TSPAN9: variants seen among roughly 807,000 people sequenced by gnomAD.
TSPAN9 encodes the protein tetraspanin-9.
Under a neutral mutation model 31.0 loss-of-function variants are expected in TSPAN9, and 16 were observed. The observed-to-expected ratio is 0.52, with a 90% confidence interval of 0.35 to 0.78. TSPAN9 has a LOEUF of 0.78. TSPAN9 is among the 30% of genes least tolerant of loss of function. TSPAN9 has a pLI of 0.01. For missense variants in TSPAN9, 272 were observed against 312.5 expected (o/e 0.87, Z 0.98); for synonymous variants, 145 against 121.6 (o/e 1.19, Z -1.27).
At chr12:3,183,180 G>A (rs1477994369) in intron 2 of TSPAN9, among the ~76,000 whole-genome samples, 1 of 152,210 alleles carries the variant, frequency 6.6e-6, no homozygotes, top group Admixed American at 6.5e-5. Flanking sequence ...AGGCCACTCT[G>A]GAGTGATTTC....
Position 3,282,128 on chromosome 12 carries a change from A to G in TSPAN9, c.648+311A>G, listed in dbSNP as rs544638179. 4.6e-5 allele frequency: 29 copies of G among 625,528 alleles called. No homozygotes were observed. In the East Asian group the frequency reaches 5.8e-4, roughly 12 times the overall value. 38.7% of individuals were successfully genotyped at this position (625,528 alleles called of 1,614,324 possible). A position where few individuals can be genotyped will look rare whatever the true frequency, so the allele number is the denominator to read the frequency against. On this transcript the variant is annotated intron_variant, in intron 8 of 8. Transcript: ENST00000011898. ...AACCTTGAGCTCAGAGAGCCATGCA[A>G]GACACACACGGTGTCCCCCGGTCAC...
chr12:3,113,988 T>G (rs533144058), intron 2 of TSPAN9, among the ~76,000 whole-genome samples: 1 of 152,328 alleles, frequency 6.6e-6, no homozygotes, highest in Admixed American at 6.5e-5. Context: ...TGTACTCACT[T>G]GTGTGATCCT....
chr12:3,175,590 A>T (rs2153970708), intron 2 of TSPAN9, among the ~76,000 whole-genome samples: 1 of 148,620 alleles, frequency 6.7e-6, no homozygotes. Flanking sequence ...CCAGAGCAAG[A>T]GCTGCACTTC....
At chr12:3,154,401 C>T (rs548766748) in intron 2 of TSPAN9, among the ~76,000 whole-genome samples, 1 of 152,354 alleles carries the variant, frequency 6.6e-6, no homozygotes, top group Admixed American at 6.5e-5. Flanking sequence ...TAAGTGCACT[C>T]CCCATCTGAC....
chr12:3,093,916 G>A (rs2098306375), intron 2 of TSPAN9, among the ~76,000 whole-genome samples: 1 of 152,220 alleles, frequency 6.6e-6, no homozygotes, highest in Non-Finnish European at 1.5e-5. Flanking sequence ...ACGCTGAAGT[G>A]CAGTAGCGCA....
rs2098337659 is a variant in TSPAN9 at position 3,147,156 on chromosome 12, G to A, written c.-17-54021G>A. Among the ~76,000 whole-genome samples the A allele has an allele frequency of 6.6e-6, 1 of 152,136 alleles. No homozygotes were observed. On this transcript the variant is annotated intron_variant, in intron 2 of 8. Coordinates refer to ENST00000011898, the MANE Select transcript of TSPAN9 (RefSeq NM_006675.5). The surrounding 1 kb of genome is among the most constrained non-coding windows in gnomAD (Gnocchi z 4.3). ...AGTGAGATATTTTTGAGTTTAGGGTGGAGACTGGAAGCAGGGGAGCCCTGG... is the reference window on the plus strand; with the variant it reads ...AGTGAGATATTTTTGAGTTTAGGGTAGAGACTGGAAGCAGGGGAGCCCTGG...
At chr12:3,094,311 C>A (rs1444412836) in intron 2 of TSPAN9, among the ~76,000 whole-genome samples, 2 of 152,136 alleles carry the variant, frequency 1.3e-5, no homozygotes, top group African/African-American at 4.8e-5. Flanking sequence ...TGCGCACCTT[C>A]CCAACATTGC....
intron 3 of TSPAN9, among the ~76,000 whole-genome samples, chr12:3,205,768 A>T (rs537177182): frequency 2.7e-4 from 41 of 151,082 alleles, no homozygotes; most frequent in African/African-American, 9.5e-4. Context: ...CTGTCTTCCT[A>T]GGGGGCTGCA....
At chr12:3,226,769 TATATATATATATATA>T (rs2098387828) in intron 3 of TSPAN9, among the ~76,000 whole-genome samples, 1 of 3,672 alleles carries the variant, frequency 2.7e-4, no homozygotes, top group Non-Finnish European at 7.1e-4. Flanking sequence ...TATATATATA[TATATATATATATATA>T]TATATATATA....
intron 2 of TSPAN9, among the ~76,000 whole-genome samples, chr12:3,093,227 C>T (rs1487100822): frequency 3.3e-5 from 5 of 152,200 alleles, no homozygotes; most frequent in Non-Finnish European, 7.3e-5. Context: ...CCTGGGCCCA[C>T]CTTCCAGCTG....
chr12:3,141,542 C>T (rs1037876497), intron 2 of TSPAN9, among the ~76,000 whole-genome samples: 8 of 152,218 alleles, frequency 5.3e-5, no homozygotes, highest in South Asian at 2.1e-4. Context: ...TGCGTGACCC[C>T]GTCACCCAGT....
intron 2 of TSPAN9, among the ~76,000 whole-genome samples, chr12:3,102,348 G>A (rs1053539450): frequency 6.6e-6 from 1 of 151,696 alleles, no homozygotes; most frequent in Non-Finnish European, 1.5e-5. Flanking sequence ...GGCTGGTCTC[G>A]AACTCCTGGC....
chr12:3,266,466 A>G (rs3782772), intron 3 of TSPAN9, among the ~76,000 whole-genome samples: 108,509 of 152,098 alleles, frequency 0.71, 38,842 homozygotes, highest in East Asian at 0.87. Context: ...GGCCGTGGGC[A>G]CTGGGAGCAG....
intron 8 of TSPAN9, 88 bp downstream of exon 8, chr12:3,281,905 G>T: frequency 7.1e-7 from 1 of 1,417,074 alleles, no homozygotes; most frequent in Non-Finnish European, 9.9e-7. Context: ...AGCAGTGTTG[G>T]TACACGGCGG....
chr12:3,194,087 C>G (rs1225261969), intron 2 of TSPAN9, among the ~76,000 whole-genome samples: 1 of 152,140 alleles, frequency 6.6e-6, no homozygotes, highest in East Asian at 1.9e-4. Flanking sequence ...GAGGAGAGCT[C>G]AAGATTTAGG....
At chr12:3,247,247 G>A (rs1177060919) in intron 3 of TSPAN9, among the ~76,000 whole-genome samples, 1 of 149,854 alleles carries the variant, frequency 6.7e-6, no homozygotes, top group Admixed American at 6.7e-5. Context: ...GGCAGAGTCA[G>A]AGAGAGGAGC....
intron 2 of TSPAN9, among the ~76,000 whole-genome samples, chr12:3,199,609 C>T (rs116525231): frequency 0.014 from 2,168 of 152,340 alleles, 60 homozygotes; most frequent in African/African-American, 0.049. Context: ...GACCCCGCTT[C>T]GTCCACCTGT....
Position 3,283,184 on chromosome 12 carries a change from CACCT to C in TSPAN9, c.*69_*72del. ...GAGGGAAGAGGATTGAGCTTTGTGTCACCTGCCTGCGCTCTCCAGATATGACCCC... is the reference window on the plus strand; with the variant it reads ...GAGGGAAGAGGATTGAGCTTTGTGTCGCCTGCGCTCTCCAGATATGACCCC... On this transcript the variant is annotated 3_prime_UTR_variant, in exon 9 of 9. Coordinates refer to ENST00000011898, the MANE Select transcript of TSPAN9 (RefSeq NM_006675.5). 1 of 1,543,414 alleles carries C rather than the reference CACCT, an allele frequency of 6.5e-7. No homozygotes were observed. Among genetic ancestry groups the C allele is most frequent in the Non-Finnish European group, 8.8e-7 (1 of 1,131,144 alleles).
chr12:3,200,962 T>C, intron 2 of TSPAN9: 1 of 520,396 alleles, frequency 1.9e-6, no homozygotes, highest in South Asian at 2.7e-5. Flanking sequence ...TCCATCGGAG[T>C]CCATCTTTGG....
Sources: allele counts gnomAD v4.1 joint callset (sites outside exome capture counted in the v4.1 genomes callset), GRCh38; gene constraint gnomAD v4.1.1; non-coding constraint Gnocchi (gnomAD v3.1); transcripts MANE v1.5; gene names NCBI Gene and HGNC (gene_info 2026-07-23, HGNC 2026-07-21).